The following ANAPC2 variants were observed in gnomAD, a reference collection of about 807,000 sequenced individuals.
ANAPC2 encodes the protein anaphase-promoting complex subunit 2.
Under a neutral mutation model 84.3 loss-of-function variants are expected in ANAPC2, and 29 were observed. The ratio of observed to expected loss-of-function variants is 0.34; its 90% CI spans 0.26 to 0.47. ANAPC2 has a LOEUF of 0.47. Among genes scored for constraint, ANAPC2 ranks in the 20% least tolerant of loss-of-function variants. The pLI is 1.00. For synonymous variants in ANAPC2, 571 were observed against 479.4 expected, an observed-to-expected ratio of 1.19 and a Z score of -2.50; for missense variants, 857 against 1,131.7, an observed-to-expected ratio of 0.76 and a Z score of 3.48.
Position 137,183,309 on chromosome 9 carries a change from C to T in ANAPC2, c.1169-67G>A, listed in dbSNP as rs984382223. 9 of 1,328,232 alleles carry T rather than the reference C, an allele frequency of 6.8e-6. No individual in the cohort carries two copies. In the Admixed American group the frequency reaches 8.6e-5, roughly 13 times the overall value. The allele number at this position is 1,328,232 out of a possible 1,614,324, so 82.3% of individuals were successfully genotyped here. A position where few individuals can be genotyped will look rare whatever the true frequency, so the allele number is the denominator to read the frequency against. ...ACCACAGCCTCCCAGGGGCAACACC[C>T]GAGTAGACAGCTGGCCATGCCGGTA... On this transcript the variant is annotated intron_variant, in intron 5 of 12. Transcript: ENST00000323927.
At chr9:137,175,514 G>T in intron 11 of ANAPC2, 42 bp from the exon 12 acceptor site, 2 of 1,512,928 alleles carry the variant, frequency 1.3e-6, no homozygotes, top group East Asian at 2.5e-5. Context: ...CCTGGGCACG[G>T]GCTGCACCTC....
rs372127262 is a variant in ANAPC2, at chr9:137,183,134, C to A, written c.1277G>T (p.Arg426Leu). The change falls in exon 6 of 13, where the codon CGC becomes CTC. Residue 426 changes from arginine (R) to leucine (L), a missense_variant. By Grantham distance (102) the Arg-to-Leu change is moderately radical (BLOSUM62 -2). Coordinates refer to ENST00000323927, the MANE Select transcript of ANAPC2 (RefSeq NM_013366.4). Reference protein sequence around the residue: ...ILEVACEPIRRYLRTREDTVR... With the variant: ...ILEVACEPIRLYLRTREDTVR... ...CAGCTGCAGCCCTCACCTCAGGTAG[C>A]GGCGGATAGGCTCACAGGCCACCTC... 2 of 1,612,102 alleles carry A rather than the reference C, an allele frequency of 1.2e-6. No homozygotes were observed. Among genetic ancestry groups the A allele is most frequent in the African/African-American group, 2.7e-5 (2 of 74,894 alleles).
intron 1 of ANAPC2, 135 bp from the exon 2 acceptor site, chr9:137,188,238 G>A (rs1834522178): frequency 1.5e-6 from 2 of 1,349,992 alleles, no homozygotes; most frequent in South Asian, 2.8e-5. Context: ...TTGGGCCGAA[G>A]CTATGGAAGG....
rs541613272 is a variant in ANAPC2, at chr9:137,184,900, G to A, written c.1048+13C>T. 1.5e-5 allele frequency: 24 copies of A among 1,609,992 alleles called. No homozygotes were observed. Among genetic ancestry groups the A allele is most frequent in the East Asian group, 4.5e-5 (2 of 44,794 alleles). On this transcript the variant is annotated intron_variant, in intron 4 of 12. Coordinates refer to ENST00000323927, the MANE Select transcript of ANAPC2 (RefSeq NM_013366.4). ...AGACGGGAGAGCGGACCCCAGGGCC[G>A]GGGCAGGACCACCTCGGACGATGCT...
Position 137,181,702 on chromosome 9 carries a change from C to T in ANAPC2, c.1447G>A (p.Asp483Asn). ...DSGEPEDWVP[D>N]PVDADPGKSS... ...TAACCTGGATCGGCATCCACAGGGT[C>T]CGGGACCCAGTCCTCTGGCTCGCCT... is the stretch of plus-strand genomic sequence containing the variant. Residue 483 changes from aspartate (D) to asparagine (N), a missense_variant, in exon 7 of 13, where the codon GAC becomes AAC. Transcript: ENST00000323927. 1 of 1,609,820 alleles carries T rather than the reference C, an allele frequency of 6.2e-7. No homozygotes were observed.
At chr9:137,188,259 G>A (rs1338352625) in intron 1 of ANAPC2, among the ~76,000 whole-genome samples, 156 bp from the exon 2 acceptor site, 2 of 152,276 alleles carry the variant, frequency 1.3e-5, no homozygotes, top group Admixed American at 6.5e-5. Context: ...GCTGTCAGCG[G>A]AGCTGAACGA....
rs750643565 is a variant in ANAPC2, at chr9:137,180,271, G to A, written c.1800C>T (p.Phe600=). ...GVYAVILSSE[F]WPPFKDEKLE... is the part of the protein sequence containing the mutation. ...GCTTCTCGTCCTTGAAGGGCGGCCA[G>A]AACTCACTGGACAGGATGACAGCGT... The change falls in exon 10 of 13, where the codon TTC becomes TTT. Residue 600 remains phenylalanine, a synonymous_variant. Coordinates refer to ENST00000323927, the MANE Select transcript of ANAPC2 (RefSeq NM_013366.4). The A allele has an allele frequency of 3.9e-5, 63 of 1,613,622 alleles. 1 individual carries two copies. In the South Asian group the frequency reaches 6.7e-4, roughly 17 times the overall value.
rs747736306 is a variant in ANAPC2 at position 137,188,521 on chromosome 9, TGCC to T, written c.9_11del (p.Ala4del). 306 of 1,608,298 alleles carry T rather than the reference TGCC, an allele frequency of 1.9e-4. No individual in the cohort carries two copies. Among genetic ancestry groups the T allele is most frequent in the Non-Finnish European group, 2.5e-4 (298 of 1,179,104 alleles). On this transcript the variant is annotated inframe_deletion, in exon 1 of 13. Coordinates refer to ENST00000323927, the MANE Select transcript of ANAPC2 (RefSeq NM_013366.4). ...CGCTGTCCCCCTCCGCCACCACAAC[TGCC>T]GCCGCCATCTGCACCCACCGACTCC...
At chr9:137,183,938 C>G in intron 4 of ANAPC2, 147 bp from the exon 5 acceptor site, 1 of 1,109,856 alleles carries the variant, frequency 9.0e-7, no homozygotes, top group Non-Finnish European at 1.3e-6. Flanking sequence ...CAGACATCCC[C>G]CCGACACTCT....
Position 137,183,732 on chromosome 9 carries a change from GGT to G in ANAPC2, c.1106_1107del (p.Asp369AlafsTer26). ...EDLKYCLERT[D>X]QRQQLLVSLK... ...AGGGACACGAGCAGCTGCTGCCTCT[GGT>G]CCGTCCTCTCCAGGCAGTACTTGAG... is the stretch of plus-strand genomic sequence containing the variant. On this transcript the variant is annotated frameshift_variant, in exon 5 of 13. Transcript: ENST00000323927. LOFTEE classifies it high-confidence loss of function. 1 of 1,613,222 alleles carries G rather than the reference GGT, an allele frequency of 6.2e-7. No homozygotes were observed. The highest frequency in any genetic ancestry group is 8.5e-7 in the Non-Finnish European group (1 of 1,179,940).
chr9:137,175,622 A>G, intron 11 of ANAPC2, 86 bp downstream of exon 11: 2 of 1,530,654 alleles, frequency 1.3e-6, no homozygotes, highest in Non-Finnish European at 1.8e-6. Context: ...CAGCTGCCCC[A>G]AACCACACCC....
chr9:137,175,261 G>A lies in ANAPC2; in HGVS notation c.2232C>T (p.Ala744=), dbSNP rs775082651. ...DESDSGMASQ[A]DQKEEELLLF... ...CCAGCAGCTCCTCCTCCTTCTGGTC[G>A]GCCTGGGAGGCCATGCCGGAGTCGC... The change falls in exon 12 of 13, where the codon GCC becomes GCT. Residue 744 remains alanine, a synonymous_variant. Coordinates refer to ENST00000323927, the MANE Select transcript of ANAPC2 (RefSeq NM_013366.4). 5.1e-5 allele frequency: 83 copies of A among 1,612,364 alleles called. No individual in the cohort carries two copies. The highest frequency in any genetic ancestry group is 1.5e-4 in the African/African-American group (11 of 74,916).
At chr9:137,188,362 G>A in intron 1 of ANAPC2, 54 bp downstream of exon 1, 1 of 1,557,212 alleles carries the variant, frequency 6.4e-7, no homozygotes, top group Admixed American at 1.8e-5. Context: ...GCCCCAAAGC[G>A]CGTACGGTCC....
intron 3 of ANAPC2, among the ~76,000 whole-genome samples, chr9:137,185,494 C>T (rs1490242864): frequency 6.6e-6 from 1 of 152,200 alleles, no homozygotes; most frequent in African/African-American, 2.4e-5. Context: ...CGCCGCGGGG[C>T]CCAGGCGTGC....
chr9:137,183,602 C>A (rs1179397227), intron 5 of ANAPC2, 70 bp downstream of exon 5: 20 of 1,552,116 alleles, frequency 1.3e-5, no homozygotes, highest in Non-Finnish European at 1.7e-5. Flanking sequence ...AGGCCCCAGG[C>A]TCCCTGGACA....
At chr9:137,176,017 T>C (rs1834202217) in intron 10 of ANAPC2, 180 bp from the exon 11 acceptor site, 1 of 685,992 alleles carries the variant, frequency 1.5e-6, no homozygotes, top group African/African-American at 2.6e-5. Context: ...TCAGCCACCA[T>C]GGAAGGGCAA....
At chr9:137,175,658 C>T in intron 11 of ANAPC2, 50 bp downstream of exon 11, 1 of 1,583,098 alleles carries the variant, frequency 6.3e-7, no homozygotes, top group Non-Finnish European at 8.6e-7. Context: ...CCCTCACCCA[C>T]AGCTGGGCCG....
chr9:137,187,460 C>T, intron 2 of ANAPC2, 21 bp downstream of exon 2: 1 of 1,588,872 alleles, frequency 6.3e-7, no homozygotes, highest in Non-Finnish European at 8.6e-7. Flanking sequence ...AAGGGCATGG[C>T]CATCGGGACA....
At chr9:137,187,403 G>C (rs901326120) in intron 2 of ANAPC2, 78 bp downstream of exon 2, 7 of 1,517,314 alleles carry the variant, frequency 4.6e-6, no homozygotes, top group African/African-American at 4.2e-5. Context: ...CCAGCTTTCT[G>C]CTGAGGCCAG....
Sources: allele counts gnomAD v4.1 joint callset (sites outside exome capture counted in the v4.1 genomes callset), GRCh38; gene constraint gnomAD v4.1.1; transcripts MANE v1.5; gene names NCBI Gene and HGNC (gene_info 2026-07-23, HGNC 2026-07-21).